The following MEGF10 variants were observed in gnomAD, a reference collection of about 807,000 sequenced individuals.
The protein encoded by MEGF10 is multiple EGF like domains 10, also known as multiple epidermal growth factor-like domains protein 10.
Under a neutral mutation model 147.5 loss-of-function variants are expected in MEGF10, and 86 were observed. The ratio of observed to expected loss-of-function variants is 0.58; its 90% confidence interval spans 0.49 to 0.70. The LOEUF is 0.70. Ranked by LOEUF, MEGF10 falls within the 30% of genes least tolerant of loss-of-function variation. MEGF10 has a pLI of 0.00. For synonymous variants in MEGF10, 478 were observed against 525.5 expected, an observed-to-expected ratio of 0.91 and a Z score of 1.24; for missense variants, 1,329 against 1,487.3, an observed-to-expected ratio of 0.89 and a Z score of 1.75.
intron 13 of MEGF10, among the ~76,000 whole-genome samples, chr5:127,429,914 C>T (rs1453124135): frequency 6.6e-6 from 1 of 152,176 alleles, no homozygotes; most frequent in East Asian, 1.9e-4. Flanking sequence ...GGTTCACACT[C>T]TATAGCATGG....
chr5:127,440,556 G>T (rs557793105), intron 17 of MEGF10, among the ~76,000 whole-genome samples, 183 bp from the exon 18 acceptor site: 2 of 152,176 alleles, frequency 1.3e-5, no homozygotes, highest in African/African-American at 4.8e-5. Flanking sequence ...CAACCTCCTT[G>T]CAAGAGCCCT....
intron 16 of MEGF10, among the ~76,000 whole-genome samples, chr5:127,436,053 A>C (rs150623402): frequency 1.1e-3 from 160 of 152,368 alleles, no homozygotes; most frequent in African/African-American, 3.4e-3. Flanking sequence ...ACTATAAGTC[A>C]TTCATGAATG....
chr5:127,364,512 A>G (rs1762586207), intron 4 of MEGF10, among the ~76,000 whole-genome samples: 1 of 152,216 alleles, frequency 6.6e-6, no homozygotes, highest in South Asian at 2.1e-4. Flanking sequence ...AGTAGTGCCT[A>G]TCAGTGTACC....
intron 5 of MEGF10, among the ~76,000 whole-genome samples, chr5:127,389,197 T>C (rs1386830704): frequency 6.6e-6 from 1 of 152,188 alleles, no homozygotes; most frequent in Non-Finnish European, 1.5e-5. Flanking sequence ...ATATCCTCTA[T>C]GTGCTTGTCA....
At chr5:127,455,671 T>C in intron 24 of MEGF10, 64 bp downstream of exon 24, 2 of 1,343,950 alleles carry the variant, frequency 1.5e-6, no homozygotes, top group Non-Finnish European at 2.1e-6. Flanking sequence ...TTTAAAGTCT[T>C]TACGAATATA....
the MEGF10 span, among the ~76,000 whole-genome samples, chr5:127,262,825 G>C: frequency 6.6e-6 from 1 of 151,982 alleles, no homozygotes. Context: ...TCTTAGATTG[G>C]ATCCTTAAGT....
chr5:127,237,939 A>C, the MEGF10 span, among the ~76,000 whole-genome samples: 1 of 151,794 alleles, frequency 6.6e-6, no homozygotes, highest in African/African-American at 2.4e-5. Flanking sequence ...CTTTTACCCT[A>C]TGTAGTTCTC....
rs533579004 is a variant in MEGF10 at position 127,351,019 on chromosome 5, G to C, written c.319+10389G>C. On this transcript the variant is annotated intron_variant, in intron 4 of 24. Transcript: ENST00000503335. ...GGAAGGATAGTGGGGGTGGGGTAGG[G>C]GGAAAATGGGGATGGTTAATGGGTA... Among the ~76,000 whole-genome samples the C allele has an allele frequency of 2.0e-5, 3 of 152,012 alleles. No homozygotes were observed. In the South Asian group the frequency reaches 6.2e-4, roughly 32 times the overall value.
Position 127,460,938 on chromosome 5 carries a change from G to C in MEGF10, c.*3620G>C, listed in dbSNP as rs962293225. The C allele has an allele frequency of 6.6e-6, 1 of 152,166 alleles. No individual in the cohort carries two copies. The highest frequency in any genetic ancestry group is 2.4e-5 in the African/African-American group (1 of 41,448). The allele number at this position is 152,166 out of a possible 1,614,324, so 9.4% of individuals were successfully genotyped here. On this transcript the variant is annotated 3_prime_UTR_variant, in exon 25 of 25. Transcript: ENST00000503335. ...AGATGTACAGCAAACTGCCCGTTTA[G>C]AGTCCTGTTAATATTGATGTCCTAA... is the stretch of plus-strand genomic sequence containing the variant.
chr5:127,405,886 A>G (rs534707352), intron 8 of MEGF10, among the ~76,000 whole-genome samples: 26 of 152,096 alleles, frequency 1.7e-4, no homozygotes, highest in Non-Finnish European at 3.5e-4. Flanking sequence ...TTTTCATGCA[A>G]TGAATTATTG....
chr5:127,435,521 G>T, intron 16 of MEGF10, 32 bp downstream of exon 16: 1 of 1,576,156 alleles, frequency 6.3e-7, no homozygotes, highest in East Asian at 2.3e-5. Context: ...TTAATAAACT[G>T]TTCTTATTTG....
chr5:127,457,386 C>T lies in MEGF10; in HGVS notation c.*68C>T. The T allele has an allele frequency of 1.3e-6, 2 of 1,498,600 alleles. No individual in the cohort carries two copies. The highest frequency in any genetic ancestry group is 8.9e-7 in the Non-Finnish European group (1 of 1,123,814). The allele number at this position is 1,498,600 out of a possible 1,614,324, so 92.8% of individuals were successfully genotyped here. A position where few individuals can be genotyped will look rare whatever the true frequency, so the allele number is the denominator to read the frequency against. On this transcript the variant is annotated 3_prime_UTR_variant, in exon 25 of 25. Transcript: ENST00000503335. ...CTGCTGTTTGGTTCTTCTCCATCCTCAATTTTGCCACTTTCATGTGAATGT... is the reference window on the plus strand; with the variant it reads ...CTGCTGTTTGGTTCTTCTCCATCCTTAATTTTGCCACTTTCATGTGAATGT...
chr5:127,290,194 C>T (rs1275467441), upstream of MEGF10, among the ~76,000 whole-genome samples: 3 of 152,138 alleles, frequency 2.0e-5, no homozygotes, highest in Non-Finnish European at 2.9e-5. Context: ...GTTCTCTCTC[C>T]GCCCCTCCAT....
chr5:127,391,599 G>A (rs1486828280), intron 5 of MEGF10, among the ~76,000 whole-genome samples: 1 of 151,194 alleles, frequency 6.6e-6, no homozygotes, highest in Non-Finnish European at 1.5e-5. Flanking sequence ...GAGAGTGCTG[G>A]TTTCCACACA....
intron 1 of MEGF10, among the ~76,000 whole-genome samples, chr5:127,318,923 C>G (rs888970515): frequency 2.6e-5 from 4 of 152,180 alleles, no homozygotes; most frequent in African/African-American, 9.7e-5. Flanking sequence ...CCTGAAAAAC[C>G]TGTGACTTGA....
At chr5:127,437,501 C>T (rs908188365) in intron 16 of MEGF10, among the ~76,000 whole-genome samples, 8 of 152,144 alleles carry the variant, frequency 5.3e-5, no homozygotes, top group Non-Finnish European at 8.8e-5. Flanking sequence ...TCCACATTCC[C>T]TATGGGGTAG....
intron 4 of MEGF10, among the ~76,000 whole-genome samples, chr5:127,347,902 T>C (rs918117485): frequency 6.6e-6 from 1 of 152,056 alleles, no homozygotes; most frequent in Non-Finnish European, 1.5e-5. Context: ...TCATGCCTAT[T>C]AATCATGTAG....
intron 5 of MEGF10, among the ~76,000 whole-genome samples, chr5:127,372,846 G>C (rs996950482): frequency 6.6e-6 from 1 of 152,156 alleles, no homozygotes; most frequent in Admixed American, 6.5e-5. Flanking sequence ...AGTGTGCTAG[G>C]CTTCTCCACA....
intron 4 of MEGF10, among the ~76,000 whole-genome samples, chr5:127,359,963 C>G (rs1397463191): frequency 6.6e-6 from 1 of 152,008 alleles, no homozygotes. Flanking sequence ...TTGAAATAGC[C>G]AAAATCTGGA....
Sources: gnomAD v4.1 joint callset for allele counts (sites outside exome capture counted in the v4.1 genomes callset) on GRCh38, gnomAD v4.1.1 for gene constraint, MANE v1.5 for transcripts, NCBI Gene and HGNC (gene_info 2026-07-23, HGNC 2026-07-21) for gene names.